Variants in TBL1XR1 observed in about 807,000 individuals in gnomAD.
TBL1XR1 encodes the protein TBL1X/Y related 1.
Under a neutral mutation model 66.9 loss-of-function variants are expected in TBL1XR1, and 5 were observed. The observed-to-expected ratio is 0.07, with a 90% CI of 0.04 to 0.16. The LOEUF is 0.16. Ranked by LOEUF, TBL1XR1 falls within the 10% of genes least tolerant of loss-of-function variation. The pLI, the probability that TBL1XR1 is intolerant of heterozygous loss-of-function variation, is 1.00. For synonymous variants in TBL1XR1, 210 were observed against 206.0 expected (o/e 1.02, Z -0.17); for missense variants, 238 against 623.2 (o/e 0.38, Z 6.58).
intron 1 of TBL1XR1, among the ~76,000 whole-genome samples, chr3:177,145,954 AATTTGC>A (rs1458118947): frequency 6.6e-6 from 1 of 152,240 alleles, no homozygotes; most frequent in Non-Finnish European, 1.5e-5. Flanking sequence ...AAACAAAAGT[AATTTGC>A]ATTCCTGAAA....
chr3:177,100,890 C>T (rs1003674550), intron 1 of TBL1XR1, among the ~76,000 whole-genome samples: 1 of 146,942 alleles, frequency 6.8e-6, no homozygotes, highest in Non-Finnish European at 1.5e-5. Flanking sequence ...CGGAGTCTCG[C>T]TGTTGCCCAG....
At chr3:177,055,475 A>T (rs1449540918) in intron 3 of TBL1XR1, among the ~76,000 whole-genome samples, 1 of 149,542 alleles carries the variant, frequency 6.7e-6, no homozygotes, top group Non-Finnish European at 1.5e-5. Flanking sequence ...CATAAGCAAG[A>T]TCATAATTAA....
At chr3:177,183,706 C>G (rs893013654) in intron 1 of TBL1XR1, among the ~76,000 whole-genome samples, 1 of 152,042 alleles carries the variant, frequency 6.6e-6, no homozygotes, top group African/African-American at 2.4e-5. Flanking sequence ...CTCAGGTGAT[C>G]CACCCACCTC....
intron 13 of TBL1XR1, among the ~76,000 whole-genome samples, chr3:177,033,513 CT>C (rs147850107): frequency 1.1e-4 from 17 of 149,806 alleles, no homozygotes; most frequent in South Asian, 6.4e-4. Flanking sequence ...TTCCATTTAT[CT>C]TTTTTTTTTC....
intron 1 of TBL1XR1, among the ~76,000 whole-genome samples, chr3:177,139,709 T>TC (rs1228529004): frequency 2.1e-5 from 3 of 142,504 alleles, no homozygotes; most frequent in African/African-American, 7.8e-5. Context: ...ATCTAGAGAG[T>TC]CCAACATTTA....
At chr3:177,189,309 AG>A (rs56992322) in intron 1 of TBL1XR1, among the ~76,000 whole-genome samples, 92,146 of 151,670 alleles carry the variant, frequency 0.61, 28,256 homozygotes, top group East Asian at 0.75. Flanking sequence ...CAAGGCCCAG[AG>A]GTTCAAGACC....
At chr3:177,179,554 T>C (rs1424002085) in intron 1 of TBL1XR1, among the ~76,000 whole-genome samples, 1 of 152,142 alleles carries the variant, frequency 6.6e-6, no homozygotes, top group Non-Finnish European at 1.5e-5. Flanking sequence ...GCAGGTAAAA[T>C]GTATCCAAAG....
intron 1 of TBL1XR1, among the ~76,000 whole-genome samples, chr3:177,138,596 A>G (rs1428862635): frequency 1.5e-5 from 2 of 130,608 alleles, no homozygotes; most frequent in Non-Finnish European, 3.5e-5. Context: ...TGTCTGGGAG[A>G]AAAAAAAAGG....
chr3:177,078,723 T>C (rs1346703576), intron 2 of TBL1XR1: 1 of 151,784 alleles, frequency 6.6e-6, no homozygotes, highest in African/African-American at 2.4e-5. Flanking sequence ...GGCGGACAGA[T>C]CACGAGGTCA....
At chr3:177,167,303 G>A (rs140776830) in intron 1 of TBL1XR1, among the ~76,000 whole-genome samples, 176 of 152,312 alleles carry the variant, frequency 1.2e-3, no homozygotes, top group Admixed American at 0.011. Context: ...CAAAATTATG[G>A]AGGCAGCCAG....
At position 177,035,571 on chromosome 3, in the gene TBL1XR1, G is replaced by T. The variant is rs371632173; in HGVS notation, c.1123-1246C>A. Reference sequence around the variant, plus strand: ...TGGGATTATAGGCACCTGCCGCCACGCTCGGCTAAATTTGGTATATTTAGC... The same window carrying T: ...TGGGATTATAGGCACCTGCCGCCACTCTCGGCTAAATTTGGTATATTTAGC... On this transcript the variant is annotated intron_variant, in intron 12 of 15. Transcript: ENST00000457928. 3.3e-5 allele frequency among the ~76,000 whole-genome samples: 5 copies of T among 152,116 alleles called. No homozygotes were observed. In the East Asian group the frequency reaches 7.7e-4, roughly 24 times the overall value.
intron 1 of TBL1XR1, among the ~76,000 whole-genome samples, chr3:177,180,378 C>A (rs201665966): frequency 1.4e-5 from 2 of 144,638 alleles, no homozygotes; most frequent in African/African-American, 2.5e-5. Context: ...TCATTCCCCC[C>A]CCCCCCATTT....
At chr3:177,184,749 C>T (rs138877863) in intron 1 of TBL1XR1, among the ~76,000 whole-genome samples, 1 of 151,538 alleles carries the variant, frequency 6.6e-6, no homozygotes, top group Non-Finnish European at 1.5e-5. Flanking sequence ...TGCAGTAAGC[C>T]GATCGCACCA....
intron 1 of TBL1XR1, 57 bp from the exon 2 acceptor site, chr3:177,098,598 G>T (rs947202916): frequency 1.1e-6 from 1 of 870,060 alleles, no homozygotes; most frequent in Admixed American, 6.2e-5. Flanking sequence ...CAGTTTAAAA[G>T]ATTTTCCATA....
chr3:177,155,201 C>G (rs1731346785), intron 1 of TBL1XR1, among the ~76,000 whole-genome samples: 1 of 152,044 alleles, frequency 6.6e-6, no homozygotes, highest in South Asian at 2.1e-4. Flanking sequence ...GCAAATTAAA[C>G]AAAGAAAGCG....
At position 177,181,264 on chromosome 3, in the gene TBL1XR1, G is replaced by A. The variant is rs531422299; in HGVS notation, c.-122+15857C>T. Among the ~76,000 whole-genome samples the A allele has an allele frequency of 2.7e-4, 41 of 152,146 alleles. 1 individual carries two copies. Among genetic ancestry groups the A allele is most frequent in the African/African-American group, 8.9e-4 (37 of 41,530 alleles). ...GGAGGCCACGGTGGGTGGATCGCTT[G>A]AGGCCAGGTGTTCCAGACCAGCCTG... On this transcript the variant is annotated intron_variant, in intron 1 of 15. Coordinates refer to ENST00000457928, the MANE Select transcript of TBL1XR1 (RefSeq NM_024665.7).
At chr3:177,179,258 A>G (rs1480264099) in intron 1 of TBL1XR1, among the ~76,000 whole-genome samples, 1 of 152,134 alleles carries the variant, frequency 6.6e-6, no homozygotes. Context: ...AGTGGCCACC[A>G]TGGCTTGTTT....
chr3:177,158,618 G>A (rs1290848046), intron 1 of TBL1XR1, among the ~76,000 whole-genome samples: 1 of 152,118 alleles, frequency 6.6e-6, no homozygotes, highest in East Asian at 1.9e-4. Flanking sequence ...ATTAGACCCT[G>A]AAAATCCTGT....
chr3:177,173,357 C>T (rs1470166406), intron 1 of TBL1XR1, among the ~76,000 whole-genome samples: 1 of 152,030 alleles, frequency 6.6e-6, no homozygotes, highest in Non-Finnish European at 1.5e-5. Context: ...GGTTGAGAAG[C>T]GAAAAACAGT....
Sources: gnomAD v4.1 joint callset for allele counts (sites outside exome capture counted in the v4.1 genomes callset) on GRCh38, gnomAD v4.1.1 for gene constraint, MANE v1.5 for transcripts, NCBI Gene and HGNC (gene_info 2026-07-23, HGNC 2026-07-21) for gene names.